The following AKAP13 variants were observed in gnomAD, a reference collection of about 807,000 sequenced individuals.
AKAP13 encodes A-kinase anchoring protein 13, also known as A-kinase anchor protein 13.
Under a neutral mutation model 264.5 loss-of-function variants are expected in AKAP13, and 80 were observed. That is an observed-to-expected ratio of 0.30 (90% CI 0.25 to 0.36). AKAP13 has a LOEUF of 0.36. AKAP13 is among the 10% of genes least tolerant of loss of function. The pLI is 1.00. For missense variants in AKAP13, 3,712 were observed against 3,435.2 expected, an observed-to-expected ratio of 1.08 and a Z score of -2.01; for synonymous variants, 1,380 against 1,250.2, an observed-to-expected ratio of 1.10 and a Z score of -2.19.
intron 1 of AKAP13, among the ~76,000 whole-genome samples, chr15:85,438,373 G>A (rs2073433811): frequency 2.6e-5 from 4 of 151,150 alleles, no homozygotes; most frequent in East Asian, 1.9e-4. Flanking sequence ...AATCAATATC[G>A]TGAAAATGGC....
At chr15:85,649,521 T>C (rs1432675076) in intron 10 of AKAP13, among the ~76,000 whole-genome samples, 1 of 152,242 alleles carries the variant, frequency 6.6e-6, no homozygotes, top group African/African-American at 2.4e-5. Flanking sequence ...AGGCGAGACA[T>C]TGCAACATCT....
chr15:85,434,130 G>A (rs1244347525), intron 1 of AKAP13, among the ~76,000 whole-genome samples: 6 of 151,924 alleles, frequency 3.9e-5, no homozygotes, highest in African/African-American at 9.7e-5. Flanking sequence ...TGCGCGAGCC[G>A]AAGCAGGGCG....
intron 5 of AKAP13, among the ~76,000 whole-genome samples, chr15:85,559,132 A>G (rs568793067): frequency 4.5e-4 from 68 of 152,074 alleles, no homozygotes; most frequent in African/African-American, 1.6e-3. Context: ...AACAGTGGTA[A>G]TGTTCTCGCT....
At chr15:85,628,103 G>GAAACCA (rs1288235561) in intron 8 of AKAP13, among the ~76,000 whole-genome samples, 1 of 152,142 alleles carries the variant, frequency 6.6e-6, no homozygotes, top group Non-Finnish European at 1.5e-5. Flanking sequence ...GCCATGGTTT[G>GAAACCA]TGGAGCTGTC....
chr15:85,550,462 A>G (rs2077919803), intron 5 of AKAP13, among the ~76,000 whole-genome samples: 1 of 152,196 alleles, frequency 6.6e-6, no homozygotes, highest in Non-Finnish European at 1.5e-5. Flanking sequence ...AGTCCTTCTT[A>G]CAAGACACTT....
At chr15:85,444,031 G>T (rs557353178) in intron 1 of AKAP13, among the ~76,000 whole-genome samples, 1 of 152,240 alleles carries the variant, frequency 6.6e-6, no homozygotes, top group East Asian at 1.9e-4. Flanking sequence ...ACATCTGCTG[G>T]CAGGAATTTT....
At position 85,710,645 on chromosome 15, in the gene AKAP13, C is replaced by A. The variant is rs762151347; in HGVS notation, c.5599C>A (p.Pro1867Thr). The A allele has an allele frequency of 6.2e-7, 1 of 1,613,446 alleles. No individual in the cohort carries two copies. The highest frequency in any genetic ancestry group is 8.5e-7 in the Non-Finnish European group (1 of 1,179,676). ...GCCCACGGTCATTATGAGAAACAAG[C>A]GTAAGTAGCTCAGCCCACCTCTCAA... ...SLPTVIMRNKPSQPKERPRSA... is the reference protein window; with the variant it reads ...SLPTVIMRNKTSQPKERPRSA... Residue 1867 changes from proline (P) to threonine (T), a missense_variant and splice_region_variant, in exon 19 of 37, where the codon CCC becomes ACC. Pro to Thr is a conservative substitution (Grantham distance 38, BLOSUM62 -1). Around this residue, in one of 3 missense-constraint regions of AKAP13, gnomAD observed 2,759 missense variants for 2,411.7 expected, o/e 1.14. Coordinates refer to ENST00000394518, the MANE Select transcript of AKAP13 (RefSeq NM_007200.5).
chr15:85,519,390 GGTCATAGTTTGTCAACCTA>G (rs1195457310), intron 2 of AKAP13, among the ~76,000 whole-genome samples: 14 of 152,108 alleles, frequency 9.2e-5, no homozygotes, highest in East Asian at 1.9e-4. Context: ...TTGACTTGTG[GGTCATAGTTTGTCAACCTA>G]GTCATAGTTT....
chr15:85,631,108 G>A (rs1469179657), intron 8 of AKAP13, among the ~76,000 whole-genome samples: 2 of 152,066 alleles, frequency 1.3e-5, no homozygotes, highest in Non-Finnish European at 2.9e-5. Context: ...AAGAAGTAAA[G>A]TACTGTTACA....
chr15:85,527,327 A>G (rs959230499), intron 3 of AKAP13, among the ~76,000 whole-genome samples: 6 of 152,156 alleles, frequency 3.9e-5, no homozygotes, highest in African/African-American at 1.4e-4. Flanking sequence ...CAGCACTGGA[A>G]TCCTAGGGCA....
At chr15:85,685,592 T>G (rs1478831708) in intron 16 of AKAP13, 2 of 152,128 alleles carry the variant, frequency 1.3e-5, no homozygotes, top group Non-Finnish European at 2.9e-5. Flanking sequence ...TTAAGCAGTT[T>G]CCTGCCTCGC....
chr15:85,539,710 A>G (rs1228839649), intron 4 of AKAP13, among the ~76,000 whole-genome samples: 3 of 152,200 alleles, frequency 2.0e-5, no homozygotes, highest in South Asian at 4.1e-4. Context: ...ATAAGTAAAT[A>G]GAAAGCAGGA....
Position 85,581,481 on chromosome 15 carries a change from A to G in AKAP13, c.3413A>G (p.Asp1138Gly), listed in dbSNP as rs75504327. The G allele has an allele frequency of 0.033, 52,777 of 1,614,184 alleles. 1,064 individuals carry two copies. Among genetic ancestry groups the G allele is most frequent in the South Asian group, 0.036 (3,314 of 91,082 alleles). The change falls in exon 7 of 37, where the codon GAC (aspartate) becomes GGC (glycine). Residue 1138 changes from aspartate (D) to glycine (G), a missense_variant. Asp to Gly is a moderately conservative substitution (Grantham distance 94). Around this residue, in one of 3 missense-constraint regions of AKAP13, gnomAD observed 2,759 missense variants for 2,411.7 expected, o/e 1.14. Coordinates refer to ENST00000394518, the MANE Select transcript of AKAP13 (RefSeq NM_007200.5). ...AVLGLPVALQ[D>G]KAVTDPQGVG... is the part of the protein sequence containing the mutation. ...CTAGGTTTGCCAGTGGCTCTACAGGACAAAGCTGTGACTGACCCACAGGGA... is the reference window on the plus strand; with the variant it reads ...CTAGGTTTGCCAGTGGCTCTACAGGGCAAAGCTGTGACTGACCCACAGGGA...
At chr15:85,536,626 G>A (rs1385086352) in intron 4 of AKAP13, 1 of 152,160 alleles carries the variant, frequency 6.6e-6, no homozygotes, top group East Asian at 1.9e-4. Flanking sequence ...CCATACAGTG[G>A]AATACTACTC....
At position 85,736,066 on chromosome 15, in the gene AKAP13, A is replaced by G. The variant is rs561142010; in HGVS notation, c.7513-24A>G. On this transcript the variant is annotated intron_variant, in intron 32 of 36. Transcript: ENST00000394518. ...TTTGCATCAAGATCTTCATTTTTTT[A>G]TATGTATGTTTTTTGTTTTATAGGG... is the stretch of plus-strand genomic sequence containing the variant. 7.1e-6 allele frequency: 11 copies of G among 1,548,262 alleles called. No individual in the cohort carries two copies. In the South Asian group the frequency reaches 1.3e-4, roughly 18 times the overall value.
intron 13 of AKAP13, among the ~76,000 whole-genome samples, 177 bp downstream of exon 13, chr15:85,664,932 G>A (rs2083507691): frequency 6.6e-6 from 1 of 152,172 alleles, no homozygotes; most frequent in African/African-American, 2.4e-5. Context: ...CAGGCATGGT[G>A]GCTCATGCCT....
chr15:85,580,665 C>T lies in AKAP13; in HGVS notation c.2597C>T (p.Thr866Ile). The part of the protein sequence containing the change: ...LQHGMGNTSL[T>I]GLGGEHEGPA... ...CACGGGATGGGGAATACCAGTCTCA[C>T]AGGACTTGGTGGAGAGCATGAGGGT... The change falls in exon 7 of 37, where the codon ACA (threonine) becomes ATA (isoleucine). Residue 866 changes from threonine (T) to isoleucine (I), a missense_variant. Thr to Ile is a moderately conservative substitution (Grantham distance 89). This residue lies in a region of AKAP13 where 2,759 missense variants were observed against 2,411.7 expected (regional missense o/e 1.14). Transcript: ENST00000394518. 1.2e-6 allele frequency: 2 copies of T among 1,614,240 alleles called. No individual in the cohort carries two copies. Among genetic ancestry groups the T allele is most frequent in the Non-Finnish European group, 1.7e-6 (2 of 1,180,040 alleles).
chr15:85,612,431 C>T (rs545102682), intron 8 of AKAP13, among the ~76,000 whole-genome samples: 18 of 152,176 alleles, frequency 1.2e-4, no homozygotes, highest in African/African-American at 3.9e-4. Flanking sequence ...GAATCACATA[C>T]GCATTTTGCA....
At chr15:85,633,747 T>C (rs2081961402) in intron 8 of AKAP13, among the ~76,000 whole-genome samples, 1 of 151,840 alleles carries the variant, frequency 6.6e-6, no homozygotes, top group Non-Finnish European at 1.5e-5. Context: ...GGTTTCACTG[T>C]GTTAGCCAGG....
Sources: gnomAD v4.1 joint callset for allele counts (sites outside exome capture counted in the v4.1 genomes callset) on GRCh38, gnomAD v4.1.1 for gene constraint, gnomAD v4.1.1 regional missense constraint, MANE v1.5 for transcripts, NCBI Gene and HGNC (gene_info 2026-07-23, HGNC 2026-07-21) for gene names.